ERBB4: variants seen among roughly 807,000 people sequenced by gnomAD.
The protein encoded by ERBB4 is receptor tyrosine-protein kinase erbB-4.
A neutral mutation model predicts 158.0 loss-of-function variants in ERBB4; 42 were observed. The observed-to-expected ratio is 0.27, with a 90% CI of 0.21 to 0.34. The LOEUF (loss-of-function observed/expected upper bound fraction) is 0.34. Ranked by LOEUF, ERBB4 falls within the 10% of genes least tolerant of loss-of-function variation. The probability of loss-of-function intolerance (pLI) is 1.00; values close to 1 mark genes in which losing one functional copy is unlikely to be tolerated. For missense variants in ERBB4, 1,333 were observed against 1,624.1 expected, an observed-to-expected ratio of 0.82 and a Z score of 3.08; for synonymous variants, 583 against 558.7, an observed-to-expected ratio of 1.04 and a Z score of -0.61.
chr2:212,433,132 A>G (rs997907919), intron 1 of ERBB4, among the ~76,000 whole-genome samples: 2 of 152,064 alleles, frequency 1.3e-5, no homozygotes, highest in Non-Finnish European at 2.9e-5. Flanking sequence ...TTAAAGCACA[A>G]TATTTTAGAA....
rs191708640 is a variant in ERBB4 at position 212,389,679 on chromosome 2, A to G, written c.82+148770T>C. Reference sequence around the variant, plus strand: ...CCACGGAATTTGTGTTCTAGTGCACAGTACATTAATATTACTAAAATTATT... The same window carrying G: ...CCACGGAATTTGTGTTCTAGTGCACGGTACATTAATATTACTAAAATTATT... On this transcript the variant is annotated intron_variant, in intron 1 of 27. Transcript: ENST00000342788. Among the ~76,000 whole-genome samples, 5 of 152,162 alleles carry G rather than the reference A, an allele frequency of 3.3e-5. No individual in the cohort carries two copies. In the East Asian group the frequency reaches 9.7e-4, roughly 29 times the overall value.
chr2:211,877,498 T>C (rs536039474), intron 3 of ERBB4, among the ~76,000 whole-genome samples: 3 of 152,336 alleles, frequency 2.0e-5, no homozygotes, highest in Admixed American at 1.3e-4. Context: ...TATAATCTAT[T>C]ATTCAAGCAT....
chr2:212,502,624 A>G (rs1228656989), intron 1 of ERBB4, among the ~76,000 whole-genome samples: 1 of 152,162 alleles, frequency 6.6e-6, no homozygotes, highest in Non-Finnish European at 1.5e-5. Flanking sequence ...AATTCTAAGC[A>G]CACAGCTTGA....
chr2:211,566,007 G>T (rs374927161), intron 19 of ERBB4, among the ~76,000 whole-genome samples: 1 of 152,196 alleles, frequency 6.6e-6, no homozygotes, highest in Admixed American at 6.5e-5. Flanking sequence ...CAGTTTCTAT[G>T]CTTTCTTGCT....
chr2:211,953,080 G>A (rs1238828628), intron 2 of ERBB4, among the ~76,000 whole-genome samples: 1 of 152,010 alleles, frequency 6.6e-6, no homozygotes, highest in African/African-American at 2.4e-5. Context: ...GCTGTGGAAT[G>A]GAATGGAATC....
At position 211,883,093 on chromosome 2, in the gene ERBB4, T is replaced by C. The variant is rs189731854; in HGVS notation, c.421+64337A>G. On this transcript the variant is annotated intron_variant, in intron 3 of 27. Transcript: ENST00000342788. ...CCAGATTAAGAAAATGTGGCACATA[T>C]ATACCATGGAATACTATGCAGCCAT... Among the ~76,000 whole-genome samples, 23 of 152,276 alleles carry C rather than the reference T, an allele frequency of 1.5e-4. No individual in the cohort carries two copies. In the East Asian group the frequency reaches 4.3e-3, roughly 28 times the overall value.
At chr2:211,592,235 T>A (rs1470166176) in intron 19 of ERBB4, among the ~76,000 whole-genome samples, 1 of 152,094 alleles carries the variant, frequency 6.6e-6, no homozygotes, top group Non-Finnish European at 1.5e-5. Context: ...GAACTGCGGG[T>A]ATTGCTCGCC....
At chr2:211,650,964 A>G (rs553426561) in intron 16 of ERBB4, among the ~76,000 whole-genome samples, 4 of 152,324 alleles carry the variant, frequency 2.6e-5, no homozygotes, top group South Asian at 4.1e-4. Flanking sequence ...AGTGGTTACC[A>G]TATTGGACAG....
At chr2:211,515,912 A>ATATATATATATATTTTTTT (rs35696520) in intron 20 of ERBB4, among the ~76,000 whole-genome samples, 5 of 78,976 alleles carry the variant, frequency 6.3e-5, no homozygotes, top group African/African-American at 2.3e-4. Flanking sequence ...ATATATATAT[A>ATATATATATATATTTTTTT]TTTTTTTTTT....
intron 1 of ERBB4, among the ~76,000 whole-genome samples, chr2:212,327,783 T>C (rs948798571): frequency 2.7e-5 from 4 of 145,582 alleles, no homozygotes; most frequent in African/African-American, 7.5e-5. Context: ...CTGATGTTAA[T>C]TGCACAATTA....
chr2:211,407,070 A>G (rs1211559958), intron 25 of ERBB4, among the ~76,000 whole-genome samples: 4 of 151,918 alleles, frequency 2.6e-5, no homozygotes, highest in Non-Finnish European at 1.5e-5. Flanking sequence ...TCAGAGCAAG[A>G]CTCTGTCTCA....
chr2:211,710,397 G>T (rs1021233915), intron 9 of ERBB4, among the ~76,000 whole-genome samples: 2 of 151,852 alleles, frequency 1.3e-5, no homozygotes, highest in African/African-American at 4.8e-5. Context: ...TCAAATTGTG[G>T]GTATATTGCC....
chr2:212,336,658 A>G (rs1257854168), intron 1 of ERBB4, among the ~76,000 whole-genome samples: 1 of 152,066 alleles, frequency 6.6e-6, no homozygotes, highest in Non-Finnish European at 1.5e-5. Flanking sequence ...ACTGCCAGTG[A>G]AATGTTCTTT....
chr2:211,716,799 C>T (rs2073932567), intron 7 of ERBB4, among the ~76,000 whole-genome samples: 1 of 152,148 alleles, frequency 6.6e-6, no homozygotes, highest in African/African-American at 2.4e-5. Flanking sequence ...GTAAGCCAGG[C>T]CCATCAGAGA....
intron 1 of ERBB4, among the ~76,000 whole-genome samples, chr2:212,530,256 A>T (rs754658789): frequency 6.6e-6 from 1 of 152,182 alleles, no homozygotes; most frequent in African/African-American, 2.4e-5. Flanking sequence ...ATACCTATGC[A>T]GTCAACTTTC....
intron 1 of ERBB4, among the ~76,000 whole-genome samples, chr2:212,298,799 T>G (rs1470018538): frequency 6.6e-6 from 1 of 151,704 alleles, no homozygotes; most frequent in Non-Finnish European, 1.5e-5. Context: ...AGACAGAAAT[T>G]AGGTGAGTAG....
chr2:211,855,925 A>G (rs1009489784), intron 3 of ERBB4, among the ~76,000 whole-genome samples: 2 of 152,194 alleles, frequency 1.3e-5, no homozygotes, highest in African/African-American at 4.8e-5. Context: ...AATAAAAAAG[A>G]TTCTACAGAT....
intron 19 of ERBB4, among the ~76,000 whole-genome samples, chr2:211,616,155 G>C (rs554888381): frequency 4.2e-4 from 64 of 152,094 alleles, no homozygotes; most frequent in Non-Finnish European, 5.2e-4. Flanking sequence ...AGGATATGTA[G>C]GGGGTGAAGT....
intron 1 of ERBB4, among the ~76,000 whole-genome samples, chr2:212,297,421 C>T (rs1042658227): frequency 3.3e-5 from 5 of 151,866 alleles, no homozygotes; most frequent in African/African-American, 7.2e-5. Flanking sequence ...CAGATTAAAT[C>T]GATGGTATAT....
Sources: gnomAD v4.1 joint callset for allele counts (sites outside exome capture counted in the v4.1 genomes callset) on GRCh38, gnomAD v4.1.1 for gene constraint, MANE v1.5 for transcripts, NCBI Gene and HGNC (gene_info 2026-07-23, HGNC 2026-07-21) for gene names.